Variants in GTF3C2 observed in about 807,000 individuals in gnomAD.
GTF3C2 encodes general transcription factor 3C polypeptide 2.
In GTF3C2, 17 loss-of-function variants were observed where a neutral mutation model predicts 117.4. The observed-to-expected ratio is 0.14, with a 90% CI of 0.10 to 0.22. GTF3C2 has a LOEUF of 0.22. GTF3C2 is among the 10% of genes least tolerant of loss of function. The pLI, the probability that GTF3C2 is intolerant of heterozygous loss-of-function variation, is 1.00. For synonymous variants in GTF3C2, 437 were observed against 427.0 expected (o/e 1.02, Z -0.29); for missense variants, 888 against 1,143.6 (o/e 0.78, Z 3.22).
intron 10 of GTF3C2, chr2:27,335,270 G>A (rs1390491322): frequency 3.9e-6 from 2 of 507,474 alleles, no homozygotes; most frequent in Non-Finnish European, 7.9e-6. Context: ...TATAGCAGGG[G>A]AGATGGGCCC....
chr2:27,354,873 G>A (rs1469895796), intron 1 of GTF3C2, among the ~76,000 whole-genome samples: 2 of 152,110 alleles, frequency 1.3e-5, no homozygotes, highest in African/African-American at 4.8e-5. Context: ...ATGAACAAAT[G>A]AGTTAAAATA....
intron 12 of GTF3C2, among the ~76,000 whole-genome samples, chr2:27,331,429 G>T (rs372602325): frequency 1.3e-5 from 2 of 152,110 alleles, no homozygotes; most frequent in Non-Finnish European, 2.9e-5. Context: ...CAGTTCAAGC[G>T]ATTCTCCTGC....
At chr2:27,326,939 C>T (rs193107013) in intron 18 of GTF3C2, 46 bp from the exon 19 acceptor site, 2 of 1,274,342 alleles carry the variant, frequency 1.6e-6, no homozygotes, top group South Asian at 2.4e-5. Flanking sequence ...ATGGGTGGTG[C>T]TTTAGGGTGA....
At chr2:27,348,083 C>G (rs1302785951) in intron 1 of GTF3C2, among the ~76,000 whole-genome samples, 1 of 152,208 alleles carries the variant, frequency 6.6e-6, no homozygotes, top group Non-Finnish European at 1.5e-5. Context: ...ACCTGGCCAA[C>G]ATGGTGAAAC....
intron 1 of GTF3C2, 24 bp from the exon 2 acceptor site, chr2:27,343,602 A>T: frequency 6.3e-7 from 1 of 1,592,998 alleles, no homozygotes; most frequent in Non-Finnish European, 8.6e-7. Flanking sequence ...CACACAAATG[A>T]GTAGAGGACA....
chr2:27,328,261 G>T, intron 16 of GTF3C2, 72 bp from the exon 17 acceptor site: 1 of 1,267,638 alleles, frequency 7.9e-7, no homozygotes, highest in Non-Finnish European at 1.1e-6. Flanking sequence ...AGTGGTTTGG[G>T]CAGGAAAGGC....
At position 27,337,903 on chromosome 2, in the gene GTF3C2, A is replaced by G. The variant is rs1400714556; in HGVS notation, c.950+23T>C. The G allele has an allele frequency of 1.1e-5, 15 of 1,407,536 alleles. No individual in the cohort carries two copies. The Admixed American group carries it at 2.5e-4, about 24-fold the overall frequency. The allele number at this position is 1,407,536 out of a possible 1,614,324, so 87.2% of individuals were successfully genotyped here. A position where few individuals can be genotyped will look rare whatever the true frequency, so the allele number is the denominator to read the frequency against. On this transcript the variant is annotated intron_variant, in intron 5 of 18. Transcript: ENST00000264720. Reference sequence around the variant, plus strand: ...CCTCTACCACCCCTTTATTAACCCCAGCCCCCTGTCCCCAAGTCTCACAAG... The same window carrying G: ...CCTCTACCACCCCTTTATTAACCCCGGCCCCCTGTCCCCAAGTCTCACAAG...
chr2:27,350,429 T>C (rs1170676729), intron 1 of GTF3C2: 35 of 985,126 alleles, frequency 3.6e-5, no homozygotes, highest in East Asian at 1.1e-4. Flanking sequence ...ACGATGAGGG[T>C]TGAGGGAAAA....
At chr2:27,336,583 G>T (rs1680487033) in intron 7 of GTF3C2, 158 bp from the exon 8 acceptor site, 2 of 591,410 alleles carry the variant, frequency 3.4e-6, no homozygotes, top group Non-Finnish European at 6.1e-6. Context: ...GCTTCCACTT[G>T]TATCTTCCTC....
At chr2:27,339,423 A>AG (rs1365388943) in intron 4 of GTF3C2, among the ~76,000 whole-genome samples, 34 of 151,282 alleles carry the variant, frequency 2.2e-4, no homozygotes, top group African/African-American at 7.2e-4. Flanking sequence ...AAAAAAAAAA[A>AG]AAAAGAAAAA....
intron 15 of GTF3C2, 87 bp from the exon 16 acceptor site, chr2:27,328,683 CACAA>C: frequency 1.6e-6 from 2 of 1,228,996 alleles, no homozygotes; most frequent in Non-Finnish European, 2.4e-6. Context: ...GAGACAGACA[CACAA>C]ACAAAAATGA....
At chr2:27,337,700 C>T (rs1680542544) in intron 5 of GTF3C2, 142 bp from the exon 6 acceptor site, 1 of 726,284 alleles carries the variant, frequency 1.4e-6, no homozygotes. Context: ...CTACCAAGCA[C>T]CTAAAATGTG....
intron 1 of GTF3C2, 37 bp from the exon 2 acceptor site, chr2:27,343,615 A>T (rs763030654): frequency 1.3e-5 from 20 of 1,563,014 alleles, no homozygotes; most frequent in South Asian, 2.3e-5. Flanking sequence ...AGAGGACAAA[A>T]ACTATTTGTA....
In GTF3C2 at chr2:27,329,486, G is replaced by C; in HGVS notation, c.1770C>G (p.Pro590=). ...CATCAGAGAGCCGTATCCGCTGCAGGGGTGAGTTAGTGGGAAGGTTCCAGA... is the reference window on the plus strand; with the variant it reads ...CATCAGAGAGCCGTATCCGCTGCAGCGGTGAGTTAGTGGGAAGGTTCCAGA... Residue 590 remains proline, a synonymous_variant, in exon 13 of 19, where the codon CCC becomes CCG. Coordinates refer to ENST00000264720, the Ensembl canonical transcript of GTF3C2. This position sits in a 1 kb window ranked among gnomAD's most constrained non-coding sequence, Gnocchi z 4.5. 6.2e-7 allele frequency: 1 copy of C among 1,614,070 alleles called. No individual in the cohort carries two copies. The highest frequency in any genetic ancestry group is 8.5e-7 in the Non-Finnish European group (1 of 1,179,952).
At chr2:27,338,209 C>A in intron 4 of GTF3C2, 189 bp from the exon 5 acceptor site, 1 of 582,358 alleles carries the variant, frequency 1.7e-6, no homozygotes, top group East Asian at 2.9e-5. Flanking sequence ...CTCTACTCCT[C>A]CATCGAAAAT....
At chr2:27,333,936 G>A in intron 11 of GTF3C2, 38 bp downstream of exon 11, 3 of 1,536,498 alleles carry the variant, frequency 2.0e-6, no homozygotes, top group Non-Finnish European at 1.8e-6. Context: ...GCTCTAAGAA[G>A]ATGGAGCCTC....
chr2:27,329,278 A>T lies in GTF3C2; in HGVS notation c.1882T>A (p.Phe628Ile), dbSNP rs201499584. The T allele has an allele frequency of 5.0e-6, 8 of 1,614,186 alleles. No individual in the cohort carries two copies. In the Admixed American group the frequency reaches 1.3e-4, roughly 27 times the overall value. Residue 628 changes from phenylalanine (F) to isoleucine (I), a missense_variant, in exon 14 of 19, where the codon TTC becomes ATC. Transcript: ENST00000264720. This position sits in a 1 kb window ranked among gnomAD's most constrained non-coding sequence, Gnocchi z 4.5. ...CGGTCACTCCCCGCAGAGACAAGGA[A>T]ATGGCTGTAAAAAGACGGGAGAAGG...
chr2:27,335,231 G>A (rs1680416149), intron 10 of GTF3C2: 2 of 486,534 alleles, frequency 4.1e-6, no homozygotes, highest in South Asian at 3.1e-5. Flanking sequence ...GGGCAGGAGA[G>A]GCTAAGAACA....
At chr2:27,353,466 T>TTTTGTTTGTTGTC (rs1173305539) in intron 1 of GTF3C2, among the ~76,000 whole-genome samples, 4 of 151,496 alleles carry the variant, frequency 2.6e-5, no homozygotes, top group African/African-American at 9.7e-5. Flanking sequence ...TGAGACAGAG[T>TTTTGTTTGTTGTC]CACGCTCTGT....
Sources: allele counts gnomAD v4.1 joint callset (sites outside exome capture counted in the v4.1 genomes callset), GRCh38; gene constraint gnomAD v4.1.1; non-coding constraint Gnocchi (gnomAD v3.1); transcripts MANE v1.5; gene names NCBI Gene and HGNC (gene_info 2026-07-23, HGNC 2026-07-21).